Variants in RAB6A observed in about 807,000 individuals in gnomAD.
RAB6A encodes ras-related protein Rab-6A.
In RAB6A, 8 loss-of-function variants were observed where a neutral mutation model predicts 32.3. The observed-to-expected ratio is 0.25, with a 90% CI of 0.15 to 0.45. The LOEUF is 0.45. Ranked by LOEUF, RAB6A falls within the 20% of genes least tolerant of loss-of-function variation. RAB6A has a pLI of 1.00. For synonymous variants in RAB6A, 73 were observed against 82.1 expected, an observed-to-expected ratio of 0.89 and a Z score of 0.60; for missense variants, 104 against 249.4, an observed-to-expected ratio of 0.42 and a Z score of 3.93.
At chr11:73,748,773 T>A (rs1024796035) in intron 1 of RAB6A, among the ~76,000 whole-genome samples, 7 of 152,198 alleles carry the variant, frequency 4.6e-5, no homozygotes, top group Non-Finnish European at 1.0e-4. Context: ...TTATACCTGT[T>A]GTCTATTTCT....
At chr11:73,724,648 G>A (rs1022339421) in intron 2 of RAB6A, among the ~76,000 whole-genome samples, 3 of 151,938 alleles carry the variant, frequency 2.0e-5, no homozygotes, top group Admixed American at 1.3e-4. Context: ...CACCAGGCCC[G>A]GCTAATTTTT....
intron 6 of RAB6A, chr11:73,704,242 G>A: frequency 2.4e-6 from 1 of 419,746 alleles, no homozygotes; most frequent in Non-Finnish European, 4.8e-6. Flanking sequence ...AATTAGCTGG[G>A]CATGGTGGTG....
At position 73,760,135 on chromosome 11, in the gene RAB6A, C is replaced by T. The variant is rs1418983685; in HGVS notation, c.70+431G>A. On this transcript the variant is annotated intron_variant, in intron 1 of 7. Coordinates refer to ENST00000336083, the MANE Select transcript of RAB6A (RefSeq NM_198896.2). ...CCTCCTTGGCCAAGGTTGAAGAGGG[C>T]CCGCTCTCGGGAGTGGGGCTTCCCT... 5 of 1,291,876 alleles carry T rather than the reference C, an allele frequency of 3.9e-6. No individual in the cohort carries two copies. In the South Asian group the frequency reaches 4.9e-5, roughly 13 times the overall value. The allele number at this position is 1,291,876 out of a possible 1,614,324, so 80.0% of individuals were successfully genotyped here. A position where few individuals can be genotyped will look rare whatever the true frequency, so the allele number is the denominator to read the frequency against.
chr11:73,732,683 C>G (rs1946334706), intron 1 of RAB6A, among the ~76,000 whole-genome samples: 1 of 152,172 alleles, frequency 6.6e-6, no homozygotes. Flanking sequence ...TCGCTTGAAT[C>G]TGGGAGGCAG....
intron 6 of RAB6A, 122 bp from the exon 7 acceptor site, chr11:73,679,842 A>C: frequency 7.5e-7 from 1 of 1,328,654 alleles, no homozygotes; most frequent in South Asian, 1.2e-5. Flanking sequence ...CTGTAATCCC[A>C]GCACTTTGGG....
intron 6 of RAB6A, among the ~76,000 whole-genome samples, chr11:73,704,862 G>A (rs1945810262): frequency 6.6e-6 from 1 of 151,628 alleles, no homozygotes; most frequent in Non-Finnish European, 1.5e-5. Flanking sequence ...CAGGCGTGGT[G>A]GTGGGCGCCT....
At chr11:73,728,231 G>A (rs1210764416) in intron 2 of RAB6A, among the ~76,000 whole-genome samples, 1 of 152,108 alleles carries the variant, frequency 6.6e-6, no homozygotes, top group African/African-American at 2.4e-5. Flanking sequence ...ATCCTTACTT[G>A]TTCCTGATCT....
chr11:73,718,892 T>C, intron 3 of RAB6A, 174 bp from the exon 4 acceptor site: 2 of 1,584,662 alleles, frequency 1.3e-6, no homozygotes, highest in Non-Finnish European at 1.7e-6. Context: ...AAGCCTGATC[T>C]GTGAGATGGG....
intron 1 of RAB6A, chr11:73,759,937 A>C (rs2135028062): frequency 3.3e-5 from 27 of 824,804 alleles, no homozygotes; most frequent in Non-Finnish European, 3.9e-5. Context: ...TTTCACCCCC[A>C]ACCACCCCAT....
intron 6 of RAB6A, among the ~76,000 whole-genome samples, chr11:73,685,715 T>G (rs1036105650): frequency 6.8e-6 from 1 of 147,480 alleles, no homozygotes; most frequent in Admixed American, 6.8e-5. Context: ...CCCATCTCTA[T>G]TAAAAATACA....
chr11:73,739,282 A>ACATATATATATATATATATAT (rs1289309364), intron 1 of RAB6A, among the ~76,000 whole-genome samples: 1 of 15,332 alleles, frequency 6.5e-5, no homozygotes, highest in African/African-American at 1.4e-4. Context: ...AAAAAAAAAA[A>ACATATATATATATATATATAT]AAATATATAT....
chr11:73,738,728 TGAGGTCAGG>T (rs1299325691), intron 1 of RAB6A, among the ~76,000 whole-genome samples: 2 of 152,058 alleles, frequency 1.3e-5, no homozygotes, highest in African/African-American at 4.8e-5. Flanking sequence ...GCAGATCACT[TGAGGTCAGG>T]AGTTTGAGGC....
At chr11:73,739,877 G>A (rs1328060742) in intron 1 of RAB6A, among the ~76,000 whole-genome samples, 2 of 152,022 alleles carry the variant, frequency 1.3e-5, no homozygotes, top group African/African-American at 4.8e-5. Flanking sequence ...GGCTAACACA[G>A]TGAAACCCCA....
chr11:73,714,738 C>A (rs7115166), intron 5 of RAB6A, among the ~76,000 whole-genome samples: 15,139 of 151,862 alleles, frequency 0.1, 852 homozygotes, highest in South Asian at 0.27. Context: ...GAGGCTGAGG[C>A]GGGTGGATCA....
At chr11:73,758,189 C>T (rs1946790453) in intron 1 of RAB6A, among the ~76,000 whole-genome samples, 1 of 152,316 alleles carries the variant, frequency 6.6e-6, no homozygotes, top group South Asian at 2.1e-4. Flanking sequence ...AGAGATCAAT[C>T]TTTCATTGTC....
chr11:73,728,689 G>A (rs1946261889), intron 2 of RAB6A, among the ~76,000 whole-genome samples: 1 of 149,874 alleles, frequency 6.7e-6, no homozygotes, highest in South Asian at 2.1e-4. Flanking sequence ...TTAACATGTT[G>A]CTGGATTCAG....
In RAB6A at chr11:73,760,671, G is replaced by C. The variant is rs748875106; in HGVS notation, c.-36C>G. 6.3e-7 allele frequency: 1 copy of C among 1,592,142 alleles called. No individual in the cohort carries two copies. Among genetic ancestry groups the C allele is most frequent in the South Asian group, 1.1e-5 (1 of 88,054 alleles). On this transcript the variant is annotated 5_prime_UTR_variant, in exon 1 of 8. Transcript: ENST00000336083. Reference sequence around the variant, plus strand: ...GAGGAGCGGCCGCCGCCTCAGCCTAGAGACCTCCCGGACCGATGCTGCTCC... The same window carrying C: ...GAGGAGCGGCCGCCGCCTCAGCCTACAGACCTCCCGGACCGATGCTGCTCC...
At chr11:73,750,297 A>G (rs1214352998) in intron 1 of RAB6A, among the ~76,000 whole-genome samples, 1 of 151,862 alleles carries the variant, frequency 6.6e-6, no homozygotes, top group Non-Finnish European at 1.5e-5. Context: ...TTCACTTAGC[A>G]TAACGTCCTC....
chr11:73,717,097 T>C (rs1333136321), intron 4 of RAB6A, among the ~76,000 whole-genome samples: 11 of 152,088 alleles, frequency 7.2e-5, no homozygotes, highest in Admixed American at 6.6e-5. Flanking sequence ...AATATGAACA[T>C]ACCTCTTTTT....
Sources: allele counts gnomAD v4.1 joint callset (sites outside exome capture counted in the v4.1 genomes callset), GRCh38; gene constraint gnomAD v4.1.1; transcripts MANE v1.5; gene names NCBI Gene and HGNC (gene_info 2026-07-23, HGNC 2026-07-21).